The following TPP2 variants were observed in gnomAD, a reference collection of about 807,000 sequenced individuals.
The protein encoded by TPP2 is tripeptidyl peptidase 2, also known as tripeptidyl-peptidase 2.
Under a neutral mutation model 155.9 loss-of-function variants are expected in TPP2, and 34 were observed. The ratio of observed to expected loss-of-function variants is 0.22; its 90% confidence interval spans 0.17 to 0.29. The LOEUF is 0.29. TPP2 is among the 10% of genes least tolerant of loss of function. The probability of loss-of-function intolerance (pLI) is 1.00; values close to 1 mark genes in which losing one functional copy is unlikely to be tolerated. For synonymous variants in TPP2, 510 were observed against 529.4 expected (o/e 0.96, Z 0.50); for missense variants, 1,028 against 1,522.3 (o/e 0.68, Z 5.40).
At chr13:102,642,342 C>T (rs888113940) in intron 16 of TPP2, among the ~76,000 whole-genome samples, 1 of 151,900 alleles carries the variant, frequency 6.6e-6, no homozygotes, top group African/African-American at 2.4e-5. Context: ...GAATACAAAT[C>T]TATGGTTAAT....
chr13:102,626,206 G>A (rs562421604), intron 6 of TPP2, among the ~76,000 whole-genome samples: 61 of 152,076 alleles, frequency 4.0e-4, no homozygotes, highest in Non-Finnish European at 7.9e-4. Context: ...TTTTGTGATC[G>A]GAAATGATAA....
intron 4 of TPP2, among the ~76,000 whole-genome samples, chr13:102,617,201 A>G (rs1193400863): frequency 6.6e-6 from 1 of 152,090 alleles, no homozygotes; most frequent in Admixed American, 6.5e-5. Context: ...GGCATGAGCC[A>G]CCGTGCCCGG....
At chr13:102,643,412 T>A (rs770586626) in intron 17 of TPP2, 36 bp downstream of exon 17, 1 of 1,542,722 alleles carries the variant, frequency 6.5e-7, no homozygotes, top group East Asian at 2.4e-5. Context: ...CTAACACAAT[T>A]TATTTGCCTT....
At chr13:102,629,452 A>C in intron 8 of TPP2, 30 bp from the exon 9 acceptor site, 1 of 1,460,302 alleles carries the variant, frequency 6.8e-7, no homozygotes, top group Non-Finnish European at 9.0e-7. Context: ...GAGGCTGATT[A>C]TATGTTCAAA....
rs145608159 is a variant in TPP2, at chr13:102,646,309, A to G, written c.2409A>G (p.Lys803=). 157 of 1,612,546 alleles carry G rather than the reference A, an allele frequency of 9.7e-5. No individual in the cohort carries two copies. Among genetic ancestry groups the G allele is most frequent in the Non-Finnish European group, 1.3e-4 (151 of 1,179,426 alleles). The part of the protein sequence containing the change: ...WVQTLRPVSA[K]TKPLGSRDVL... ...CTCATTACAGCCCAGTGAGTGCAAA[A>G]ACAAAACCTTTAGGATCAAGAGATG... The change falls in exon 20 of 30, where the codon AAA becomes AAG. Residue 803 remains lysine, a synonymous_variant. Coordinates refer to ENST00000376052, the MANE Select transcript of TPP2 (RefSeq NM_001330588.2).
Position 102,644,558 on chromosome 13 carries a change from G to A in TPP2, c.2177G>A (p.Gly726Asp), listed in dbSNP as rs752648675. The A allele has an allele frequency of 2.5e-6, 4 of 1,602,916 alleles. No individual in the cohort carries two copies. The highest frequency in any genetic ancestry group is 2.6e-6 in the Non-Finnish European group (3 of 1,174,846). The change falls in exon 18 of 30, where the codon GGT becomes GAT. Residue 726 changes from glycine to aspartate, a missense_variant and splice_region_variant. Transcript: ENST00000376052. Reference protein sequence around the residue: ...GTLTEAFPVLGGKAIEFCIAR... With the variant: ...GTLTEAFPVLDGKAIEFCIAR... Reference sequence around the variant, plus strand: ...TATTTTATTTACTTTTATTTGCAGGGTGGAAAAGCAATTGAATTTTGCATT... The same window carrying A: ...TATTTTATTTACTTTTATTTGCAGGATGGAAAAGCAATTGAATTTTGCATT...
chr13:102,665,013 C>G, intron 27 of TPP2, 88 bp downstream of exon 27: 1 of 1,481,896 alleles, frequency 6.7e-7, no homozygotes, highest in African/African-American at 1.4e-5. Flanking sequence ...GAGGATATTG[C>G]TTTTCTGATG....
intron 2 of TPP2, among the ~76,000 whole-genome samples, chr13:102,607,297 C>T (rs929110862): frequency 6.6e-6 from 1 of 152,206 alleles, no homozygotes; most frequent in Admixed American, 6.5e-5. Context: ...CCAGTTGAGC[C>T]TCCCTAATCC....
In TPP2 at chr13:102,664,865, C is replaced by T. The variant is rs1226836118; in HGVS notation, c.3311C>T (p.Ala1104Val). 3 of 1,613,688 alleles carry T rather than the reference C, an allele frequency of 1.9e-6. No individual in the cohort carries two copies. The highest frequency in any genetic ancestry group is 2.5e-6 in the Non-Finnish European group (3 of 1,179,826). ...GTTATTTCTCATATAGATCAAACAG[C>T]CCTAGCAGTTTATATTGCAATGAAG... Reference protein sequence around the residue: ...NAVISHIDQTALAVYIAMKTD... With the variant: ...NAVISHIDQTVLAVYIAMKTD... The change falls in exon 27 of 30, where the codon GCC becomes GTC. Residue 1104 changes from alanine (A) to valine (V), a missense_variant. Physicochemically the swap from Ala to Val is moderately conservative, Grantham distance 64. Around this residue, in one of 7 missense-constraint regions of TPP2, gnomAD observed 116 missense variants for 117.3 expected, o/e 0.99. Coordinates refer to ENST00000376052, the MANE Select transcript of TPP2 (RefSeq NM_001330588.2).
chr13:102,663,667 T>TAAAGA lies in TPP2; in HGVS notation c.3164_3165insAAGAA (p.Tyr1055Ter). Reference sequence around the variant, plus strand: ...ACATAGGCTGGATTCTAGTGACATTTATAACGAATTGAAAGAAACATATCC... The same window carrying TAAAGA: ...ACATAGGCTGGATTCTAGTGACATTTAAAGAATAACGAATTGAAAGAAACATATCC... On this transcript the variant is annotated stop_gained and frameshift_variant, in exon 26 of 30. Transcript: ENST00000376052. LOFTEE classifies it high-confidence loss of function. 1 of 1,604,200 alleles carries TAAAGA rather than the reference T, an allele frequency of 6.2e-7. No homozygotes were observed. Among genetic ancestry groups the TAAAGA allele is most frequent in the Non-Finnish European group, 8.5e-7 (1 of 1,176,872 alleles).
chr13:102,605,426 A>G (rs1031135185), intron 2 of TPP2, among the ~76,000 whole-genome samples: 36 of 152,206 alleles, frequency 2.4e-4, no homozygotes, highest in African/African-American at 8.0e-4. Context: ...TAAATCTAGC[A>G]CACACTTAAG....
intron 15 of TPP2, among the ~76,000 whole-genome samples, chr13:102,638,855 A>G (rs1882564665): frequency 6.6e-6 from 1 of 152,234 alleles, no homozygotes; most frequent in African/African-American, 2.4e-5. Context: ...CCAAAGGTCA[A>G]GTTCAAGCTC....
chr13:102,667,521 T>C (rs1884688048), intron 27 of TPP2, among the ~76,000 whole-genome samples: 1 of 152,158 alleles, frequency 6.6e-6, no homozygotes, highest in Admixed American at 6.5e-5. Context: ...TAAATAAATA[T>C]TTCAAATTGT....
At chr13:102,625,827 A>G (rs1485842825) in intron 6 of TPP2, among the ~76,000 whole-genome samples, 2 of 152,208 alleles carry the variant, frequency 1.3e-5, no homozygotes, top group Non-Finnish European at 2.9e-5. Context: ...TATAGTCCCC[A>G]AACATTAAGG....
rs1209129374 is a variant in TPP2, at chr13:102,679,458, C to A, written c.*1142C>A. The A allele has an allele frequency of 6.6e-6, 1 of 152,196 alleles. No individual in the cohort carries two copies. Among genetic ancestry groups the A allele is most frequent in the Non-Finnish European group, 1.5e-5 (1 of 68,032 alleles). 9.4% of individuals were successfully genotyped at this position (152,196 alleles called of 1,614,324 possible). ...AAGTTTACAGTCCCTTATCTAATGG[C>A]AAATTGTGTGTATGTATGATTTTTT... On this transcript the variant is annotated 3_prime_UTR_variant, in exon 30 of 30. Transcript: ENST00000376052.
At position 102,618,761 on chromosome 13, in the gene TPP2, G is replaced by C; in HGVS notation, c.535G>C (p.Glu179Gln). The C allele has an allele frequency of 6.2e-7, 1 of 1,613,844 alleles. No homozygotes were observed. Among genetic ancestry groups the C allele is most frequent in the Non-Finnish European group, 8.5e-7 (1 of 1,179,852 alleles). ...CAAGGAGGAACTTCAAAGTCAAGTG[G>C]AATTGCTAAATTCTTTTGAGAAGAA... Reference protein sequence around the residue: ...LIKEELQSQVELLNSFEKKYS... With the variant: ...LIKEELQSQVQLLNSFEKKYS... Residue 179 changes from glutamate (E) to glutamine (Q), a missense_variant, in exon 5 of 30, where the codon GAA (glutamate) becomes CAA (glutamine). Coordinates refer to ENST00000376052, the MANE Select transcript of TPP2 (RefSeq NM_001330588.2).
intron 27 of TPP2, 109 bp downstream of exon 27, chr13:102,665,034 C>A: frequency 7.6e-7 from 1 of 1,320,794 alleles, no homozygotes; most frequent in Non-Finnish European, 1.0e-6. Flanking sequence ...TTTGTTATAT[C>A]CTTATAATGG....
intron 15 of TPP2, 88 bp from the exon 16 acceptor site, chr13:102,640,181 AT>A: frequency 1.0e-6 from 1 of 977,610 alleles, no homozygotes; most frequent in Non-Finnish European, 1.5e-6. Flanking sequence ...TTTCCAATGA[AT>A]TGTTATTTTG....
chr13:102,651,476 C>A, intron 24 of TPP2, 79 bp downstream of exon 24: 1 of 1,437,922 alleles, frequency 7.0e-7, no homozygotes, highest in Non-Finnish European at 9.5e-7. Context: ...CTATTATAAA[C>A]CTTTTTTTTA....
Sources: gnomAD v4.1 joint callset for allele counts (sites outside exome capture counted in the v4.1 genomes callset) on GRCh38, gnomAD v4.1.1 for gene constraint, gnomAD v4.1.1 regional missense constraint, MANE v1.5 for transcripts, NCBI Gene and HGNC (gene_info 2026-07-23, HGNC 2026-07-21) for gene names.